Variants in PROK2 observed in about 807,000 individuals in gnomAD.
The protein encoded by PROK2 is prokineticin 2.
PROK2 carries 8 observed loss-of-function variants against 14.2 expected under a neutral mutation model. That is an observed-to-expected ratio of 0.56 (90% CI 0.33 to 1.02). PROK2 has a LOEUF of 1.02. PROK2 is among the 50% of genes least tolerant of loss of function. The pLI, the probability that PROK2 is intolerant of heterozygous loss-of-function variation, is 0.03. For synonymous variants in PROK2, 59 were observed against 60.7 expected (o/e 0.97, Z 0.13); for missense variants, 154 against 160.4 (o/e 0.96, Z 0.22).
chr3:71,777,733 A>G (rs1008585134), intron 2 of PROK2, among the ~76,000 whole-genome samples: 2 of 152,218 alleles, frequency 1.3e-5, no homozygotes, highest in Non-Finnish European at 2.9e-5. Flanking sequence ...ATTGAATACT[A>G]AAAAGTGTTC....
At chr3:71,784,770 C>T (rs1355662518) in intron 1 of PROK2, among the ~76,000 whole-genome samples, 187 bp downstream of exon 1, 1 of 152,214 alleles carries the variant, frequency 6.6e-6, no homozygotes. Flanking sequence ...CCCAGTGTCC[C>T]CAGCCGTCTG....
intron 2 of PROK2, among the ~76,000 whole-genome samples, chr3:71,781,058 A>T (rs1338495674): frequency 6.6e-6 from 1 of 152,214 alleles, no homozygotes; most frequent in Non-Finnish European, 1.5e-5. Context: ...AAATCCCAAA[A>T]CACAGAGCTT....
At chr3:71,772,974 A>G (rs1451716809) in intron 3 of PROK2, 146 bp from the exon 4 acceptor site, 1 of 711,386 alleles carries the variant, frequency 1.4e-6, no homozygotes, top group African/African-American at 1.8e-5. Context: ...AGTACTTTTT[A>G]TTTATTTATT....
In PROK2 at chr3:71,781,499, G is replaced by T; in HGVS notation, c.190C>A (p.Leu64Met). 6.2e-7 allele frequency: 1 copy of T among 1,614,010 alleles called. No homozygotes were observed. The highest frequency in any genetic ancestry group is 8.5e-7 in the Non-Finnish European group (1 of 1,179,914). Residue 64 changes from leucine to methionine, a missense_variant, in exon 2 of 4, where the codon CTG becomes ATG. Coordinates refer to ENST00000295619, the MANE Select transcript of PROK2 (RefSeq NM_001126128.2). ...GTCAGTGGATGGCAGCTGTCTCCCA[G>T]TTTGCCCATAGGTGTGCAAATCCTT... is the stretch of plus-strand genomic sequence containing the variant. ...SIRICTPMGK[L>M]GDSCHPLTRK...
intron 3 of PROK2, among the ~76,000 whole-genome samples, chr3:71,773,397 ATATTGGCCAAGGTCACT>A (rs2050095069): frequency 6.6e-6 from 1 of 152,184 alleles, no homozygotes; most frequent in Non-Finnish European, 1.5e-5. Context: ...AGAGACTGGT[ATATTGGCCAAGGTCACT>A]TATGTAAAAC....
chr3:71,780,172 A>C (rs2050150480), intron 2 of PROK2, among the ~76,000 whole-genome samples: 3 of 152,238 alleles, frequency 2.0e-5, no homozygotes, highest in Admixed American at 2.0e-4. Flanking sequence ...GTAAAACCAC[A>C]GGAGGGATGG....
At chr3:71,782,432 C>A (rs1031019519) in intron 1 of PROK2, among the ~76,000 whole-genome samples, 3 of 152,054 alleles carry the variant, frequency 2.0e-5, no homozygotes, top group African/African-American at 7.2e-5. Context: ...TAAATACATA[C>A]AATGAAACAA....
At chr3:71,782,761 G>A (rs1175175353) in intron 1 of PROK2, among the ~76,000 whole-genome samples, 3 of 151,870 alleles carry the variant, frequency 2.0e-5, no homozygotes, top group African/African-American at 7.3e-5. Context: ...TAAAAATATG[G>A]GTACATTCTT....
At chr3:71,784,702 A>AGAAGGTGGTAAT (rs1304154145) in intron 1 of PROK2, among the ~76,000 whole-genome samples, 2 of 152,202 alleles carry the variant, frequency 1.3e-5, no homozygotes, top group Non-Finnish European at 2.9e-5. Context: ...AGTAAGCGGG[A>AGAAGGTGGTAAT]GAAGGTGGTA....
intron 2 of PROK2, among the ~76,000 whole-genome samples, chr3:71,776,834 G>T (rs572242102): frequency 6.6e-6 from 1 of 152,284 alleles, no homozygotes; most frequent in East Asian, 1.9e-4. Context: ...ATGCACACTG[G>T]AACCACTTAG....
chr3:71,783,471 A>C (rs2050184675), intron 1 of PROK2, among the ~76,000 whole-genome samples: 1 of 152,250 alleles, frequency 6.6e-6, no homozygotes, highest in Non-Finnish European at 1.5e-5. Context: ...ATGTGATAAA[A>C]TTTTATTTTG....
chr3:71,780,258 A>C (rs961725368), intron 2 of PROK2, among the ~76,000 whole-genome samples: 5 of 152,274 alleles, frequency 3.3e-5, no homozygotes, highest in African/African-American at 4.8e-5. Context: ...AGATAGGCCC[A>C]AAACAACTGG....
In PROK2 at chr3:71,776,498, C is replaced by T. The variant is rs137964883; in HGVS notation, c.223-1991G>A. ...GTTCAAGTGATGCTCCCACCTCAGC[C>T]TTCCACGTAGCTGGGACTACAGGCA... On this transcript the variant is annotated intron_variant, in intron 2 of 3. Coordinates refer to ENST00000295619, the MANE Select transcript of PROK2 (RefSeq NM_001126128.2). Among the ~76,000 whole-genome samples the T allele has an allele frequency of 4.6e-5, 7 of 151,266 alleles. No homozygotes were observed. The East Asian group carries it at 1.4e-3, about 29-fold the overall frequency.
At chr3:71,775,137 A>G (rs1277825817) in intron 2 of PROK2, among the ~76,000 whole-genome samples, 1 of 152,234 alleles carries the variant, frequency 6.6e-6, no homozygotes. Flanking sequence ...AGACATCAAT[A>G]GTGCTGAGGT....
In PROK2 at chr3:71,778,349, A is replaced by G. The variant is rs1293818813; in HGVS notation, c.222+3118T>C. ...TCATATATCTCACATATTTTATTCT[A>G]TCTTAAAATTATCAAACATAAAGTT... On this transcript the variant is annotated intron_variant, in intron 2 of 3. Transcript: ENST00000295619. 3.3e-5 allele frequency among the ~76,000 whole-genome samples: 5 copies of G among 152,196 alleles called. No individual in the cohort carries two copies. In the South Asian group the frequency reaches 6.2e-4, roughly 19 times the overall value.
At position 71,772,640 on chromosome 3, in the gene PROK2, G is replaced by C. The variant is rs2050088751; in HGVS notation, c.*84C>G. ...GAGGAAGCAAGAGCATTTCTTTCTG[G>C]CACATTTTTTGTTTGGCACAATCAC... On this transcript the variant is annotated 3_prime_UTR_variant, in exon 4 of 4. Coordinates refer to ENST00000295619, the MANE Select transcript of PROK2 (RefSeq NM_001126128.2). 2 of 1,174,826 alleles carry C rather than the reference G, an allele frequency of 1.7e-6. No homozygotes were observed. Among genetic ancestry groups the C allele is most frequent in the Admixed American group, 3.5e-5 (2 of 57,748 alleles). 72.8% of individuals were successfully genotyped at this position (1,174,826 alleles called of 1,614,324 possible).
In PROK2 at chr3:71,774,443, A is replaced by G. The variant is rs1179047692; in HGVS notation, c.285+2T>C. Reference sequence around the variant, plus strand: ...GTGGTACCACATTCGCATTCTTCTTACCTCCTTTTTCCTTTTGCTTCTCTT... The same window carrying G: ...GTGGTACCACATTCGCATTCTTCTTGCCTCCTTTTTCCTTTTGCTTCTCTT... On this transcript the variant is annotated splice_donor_variant, in intron 3 of 3. Transcript: ENST00000295619. LOFTEE classifies it high-confidence loss of function. The G allele has an allele frequency of 1.3e-6, 2 of 1,551,014 alleles. No homozygotes were observed. Among genetic ancestry groups the G allele is most frequent in the African/African-American group, 2.7e-5 (2 of 72,930 alleles).
rs62245561 is a variant in PROK2, at chr3:71,777,713, T to A, written c.223-3206A>T. Reference sequence around the variant, plus strand: ...TAAGCAATAAAGATTAAAGTATTAATCACATAATTATTGAATACTAAAAAG... The same window carrying A: ...TAAGCAATAAAGATTAAAGTATTAAACACATAATTATTGAATACTAAAAAG... On this transcript the variant is annotated intron_variant, in intron 2 of 3. Transcript: ENST00000295619. Among the ~76,000 whole-genome samples, 1,068 of 152,300 alleles carry A rather than the reference T, an allele frequency of 7.0e-3. 7 individuals carry two copies. The highest frequency in any genetic ancestry group is 0.011 in the Non-Finnish European group (778 of 68,012).
chr3:71,779,141 C>G (rs749839632), intron 2 of PROK2, among the ~76,000 whole-genome samples: 2 of 152,218 alleles, frequency 1.3e-5, no homozygotes, highest in Non-Finnish European at 2.9e-5. Flanking sequence ...AACTATCGGA[C>G]GACACAAATT....
Sources: allele counts gnomAD v4.1 joint callset (sites outside exome capture counted in the v4.1 genomes callset), GRCh38; gene constraint gnomAD v4.1.1; transcripts MANE v1.5; gene names NCBI Gene and HGNC (gene_info 2026-07-23, HGNC 2026-07-21).